Variants in VOPP1 observed in about 807,000 individuals in gnomAD.
VOPP1 encodes the protein VOPP1 WW domain binding protein, also known as WW domain binding protein VOPP1.
VOPP1 carries 8 observed loss-of-function variants against 23.5 expected under a neutral mutation model. That is an observed-to-expected ratio of 0.34 (90% confidence interval 0.20 to 0.61). The LOEUF is 0.61. Ranked by LOEUF, VOPP1 falls within the 20% of genes least tolerant of loss-of-function variation. The pLI, the probability that VOPP1 is intolerant of heterozygous loss-of-function variation, is 0.78. For synonymous variants in VOPP1, 83 were observed against 97.3 expected (o/e 0.85, Z 0.86); for missense variants, 174 against 238.1 (o/e 0.73, Z 1.77).
intron 2 of VOPP1, among the ~76,000 whole-genome samples, chr7:55,503,692 G>C (rs187785251): frequency 1.3e-5 from 2 of 152,256 alleles, no homozygotes; most frequent in African/African-American, 4.8e-5. Flanking sequence ...CAGGGTTGGG[G>C]GTCTCTGTAA....
chr7:55,461,712 G>A (rs960911237), intron 4 of VOPP1, among the ~76,000 whole-genome samples: 5 of 152,160 alleles, frequency 3.3e-5, no homozygotes, highest in Non-Finnish European at 5.9e-5. Flanking sequence ...CACTGCGCCC[G>A]GCCCAGCTAG....
In VOPP1 at chr7:55,509,409, T is replaced by A. The variant is rs113136587; in HGVS notation, c.113+11663A>T. Among the ~76,000 whole-genome samples the A allele has an allele frequency of 1.1e-3, 170 of 152,322 alleles. 1 individual carries two copies. Among genetic ancestry groups the A allele is most frequent in the African/African-American group, 4.0e-3 (165 of 41,560 alleles). ...CTTCATAAATGATGTCTTGCTGCTG[T>A]GTCCTCACAGGGCAAAAGAGGGCAG... On this transcript the variant is annotated intron_variant, in intron 2 of 4. Transcript: ENST00000285279.
rs185482758 is a variant in VOPP1 at position 55,522,191 on chromosome 7, T to C, written c.55-1061A>G. 5.9e-5 allele frequency among the ~76,000 whole-genome samples: 9 copies of C among 152,300 alleles called. No homozygotes were observed. The East Asian group carries it at 1.5e-3, about 26-fold the overall frequency. Reference sequence around the variant, plus strand: ...GTACAGCAATGCCCTCCTGCCACGATTGCCCTGCAGCTGGAATGGAGTTAG... The same window carrying C: ...GTACAGCAATGCCCTCCTGCCACGACTGCCCTGCAGCTGGAATGGAGTTAG... On this transcript the variant is annotated intron_variant, in intron 1 of 4. Coordinates refer to ENST00000285279, the MANE Select transcript of VOPP1 (RefSeq NM_030796.5).
In VOPP1 at chr7:55,477,949, G is replaced by T. The variant is rs142794975; in HGVS notation, c.329-4904C>A. On this transcript the variant is annotated intron_variant, in intron 4 of 4. Transcript: ENST00000285279. ...CGCGGCCGCGGAAGCAGCATGCAGA[G>T]GCCGCACCCACCCAGACAGCTGCTC... is the stretch of plus-strand genomic sequence containing the variant. Among the ~76,000 whole-genome samples the T allele has an allele frequency of 2.6e-5, 4 of 152,296 alleles. No individual in the cohort carries two copies. In the East Asian group the frequency reaches 7.7e-4, roughly 29 times the overall value.
chr7:55,445,232 C>CAT (rs1562878575), intron 4 of VOPP1, among the ~76,000 whole-genome samples: 8 of 139,050 alleles, frequency 5.8e-5, no homozygotes, highest in African/African-American at 2.3e-4. Context: ...CACACACAGA[C>CAT]ACACACACAC....
chr7:55,538,999 G>A (rs1366049376), intron 1 of VOPP1, among the ~76,000 whole-genome samples: 1 of 132,548 alleles, frequency 7.5e-6, no homozygotes, highest in African/African-American at 2.8e-5. Context: ...ATTGGGGAGG[G>A]AAAGGTTTCA....
chr7:55,527,272 G>A (rs1407049503), intron 1 of VOPP1, among the ~76,000 whole-genome samples: 1 of 152,174 alleles, frequency 6.6e-6, no homozygotes. Flanking sequence ...TCTCAGGAAT[G>A]TCTTATCTCC....
intron 1 of VOPP1, among the ~76,000 whole-genome samples, chr7:55,551,457 C>T (rs1052243302): frequency 1.1e-4 from 17 of 152,184 alleles, no homozygotes; most frequent in African/African-American, 2.9e-4. Flanking sequence ...AAGCATGCCT[C>T]GAAAGTCAAT....
chr7:55,480,140 G>A lies in VOPP1; in HGVS notation c.329-7095C>T, dbSNP rs189892965. Reference sequence around the variant, plus strand: ...TATACTAACTTTACAACATGAATACGTAGCATTCCTATGATTTGCAGTAAT... The same window carrying A: ...TATACTAACTTTACAACATGAATACATAGCATTCCTATGATTTGCAGTAAT... On this transcript the variant is annotated intron_variant, in intron 4 of 4. Coordinates refer to ENST00000285279, the MANE Select transcript of VOPP1 (RefSeq NM_030796.5). Among the ~76,000 whole-genome samples, 335 of 152,216 alleles carry A rather than the reference G, an allele frequency of 2.2e-3. 1 individual carries two copies. The highest frequency in any genetic ancestry group is 7.5e-3 in the African/African-American group (313 of 41,540).
chr7:55,545,642 A>T (rs552962381), intron 1 of VOPP1, among the ~76,000 whole-genome samples: 1 of 152,310 alleles, frequency 6.6e-6, no homozygotes, highest in African/African-American at 2.4e-5. Flanking sequence ...CACACTGGTT[A>T]CACATCCACC....
At chr7:55,532,157 T>A (rs939133714) in intron 1 of VOPP1, among the ~76,000 whole-genome samples, 5 of 152,240 alleles carry the variant, frequency 3.3e-5, no homozygotes, top group Non-Finnish European at 7.3e-5. Flanking sequence ...AAAGCTGAGA[T>A]GTGACTAAAG....
chr7:55,515,436 C>T (rs1795341693), intron 2 of VOPP1, among the ~76,000 whole-genome samples: 1 of 152,196 alleles, frequency 6.6e-6, no homozygotes, highest in African/African-American at 2.4e-5. Flanking sequence ...CCATCAGCCA[C>T]CTCTGGGCAC....
chr7:55,540,805 C>T (rs998393208), intron 1 of VOPP1, among the ~76,000 whole-genome samples: 1 of 152,240 alleles, frequency 6.6e-6, no homozygotes, highest in South Asian at 2.1e-4. Context: ...GAGACAGAGT[C>T]GATGCCACAA....
At chr7:55,535,808 T>C (rs1220377625) in intron 1 of VOPP1, among the ~76,000 whole-genome samples, 2 of 152,240 alleles carry the variant, frequency 1.3e-5, no homozygotes, top group African/African-American at 2.4e-5. Context: ...CCAGCAGACA[T>C]GCTCAGCACT....
At chr7:55,532,570 CA>C (rs1796557603) in intron 1 of VOPP1, among the ~76,000 whole-genome samples, 1 of 152,158 alleles carries the variant, frequency 6.6e-6, no homozygotes, top group Non-Finnish European at 1.5e-5. Flanking sequence ...ACCTGTGATC[CA>C]AAATGAACCA....
At chr7:55,569,469 C>T (rs1200242755) in intron 1 of VOPP1, among the ~76,000 whole-genome samples, 2 of 152,138 alleles carry the variant, frequency 1.3e-5, no homozygotes, top group African/African-American at 2.4e-5. Flanking sequence ...TTCCTGTGTG[C>T]GCAGACGGCA....
At chr7:55,482,347 A>ATTT (rs11292753) in intron 4 of VOPP1, among the ~76,000 whole-genome samples, 4 of 127,808 alleles carry the variant, frequency 3.1e-5, no homozygotes, top group Admixed American at 7.9e-5. Context: ...GAAGGGAGGT[A>ATTT]TTTTTTTTTT....
chr7:55,561,830 C>A, intron 1 of VOPP1: 2 of 641,178 alleles, frequency 3.1e-6, no homozygotes, highest in South Asian at 3.5e-5. Flanking sequence ...AGTAGCTTGC[C>A]CAAGTCGGGG....
At chr7:55,524,596 C>T (rs1796056768) in intron 1 of VOPP1, among the ~76,000 whole-genome samples, 1 of 152,184 alleles carries the variant, frequency 6.6e-6, no homozygotes, top group African/African-American at 2.4e-5. Flanking sequence ...TGCAAAGTCA[C>T]AGGTCTCATT....
Sources: allele counts gnomAD v4.1 joint callset (sites outside exome capture counted in the v4.1 genomes callset), GRCh38; gene constraint gnomAD v4.1.1; transcripts MANE v1.5; gene names NCBI Gene and HGNC (gene_info 2026-07-23, HGNC 2026-07-21).